Variants in CDH8 observed in about 807,000 individuals in gnomAD.
CDH8 encodes the protein cadherin-8.
CDH8 carries 17 observed loss-of-function variants against 68.1 expected under a neutral mutation model. The observed-to-expected ratio is 0.25, with a 90% confidence interval of 0.17 to 0.37. CDH8 has a LOEUF of 0.37. Among genes scored for constraint, CDH8 ranks in the 10% least tolerant of loss-of-function variants. The pLI is 1.00. For synonymous variants in CDH8, 372 were observed against 365.1 expected, an observed-to-expected ratio of 1.02 and a Z score of -0.21; for missense variants, 763 against 999.3, an observed-to-expected ratio of 0.76 and a Z score of 3.19.
At chr16:61,840,095 C>G (rs1412755133) in intron 4 of CDH8, among the ~76,000 whole-genome samples, 1 of 152,096 alleles carries the variant, frequency 6.6e-6, no homozygotes, top group African/African-American at 2.4e-5. Context: ...GTTTACTCCC[C>G]TGATAACTTT....
chr16:61,977,844 C>T (rs78180253), intron 2 of CDH8, among the ~76,000 whole-genome samples: 1,939 of 152,216 alleles, frequency 0.013, 39 homozygotes, highest in African/African-American at 0.044. Flanking sequence ...TTCACAACCA[C>T]GAAACACAGC....
chr16:61,897,550 A>AAGAAAG lies in CDH8; in HGVS notation c.547+3628_547+3629insCTTTCT, dbSNP rs1963890182. ...TGCAGTTTTCTTTCTTAACATATTTATAAGACACATGACTTACATACACAG... is the reference window on the plus strand; with the variant it reads ...TGCAGTTTTCTTTCTTAACATATTTAAGAAAGTAAGACACATGACTTACATACACAG... On this transcript the variant is annotated intron_variant, in intron 3 of 11. Coordinates refer to ENST00000577390, the MANE Select transcript of CDH8 (RefSeq NM_001796.5). Among the ~76,000 whole-genome samples the AAGAAAG allele has an allele frequency of 3.3e-5, 5 of 152,218 alleles. 1 individual carries two copies. Among genetic ancestry groups the AAGAAAG allele is most frequent in the African/African-American group, 4.8e-5 (2 of 41,460 alleles).
intron 3 of CDH8, among the ~76,000 whole-genome samples, chr16:61,870,583 A>G (rs113418741): frequency 9.8e-5 from 15 of 152,342 alleles, no homozygotes; most frequent in African/African-American, 3.6e-4. Flanking sequence ...TCAGAGGTAT[A>G]GATTTCCCCA....
chr16:61,854,324 A>G (rs1858506094), intron 4 of CDH8, among the ~76,000 whole-genome samples: 1 of 152,152 alleles, frequency 6.6e-6, no homozygotes, highest in African/African-American at 2.4e-5. Context: ...CCAATGACTG[A>G]GCATGGTGAG....
intron 10 of CDH8, among the ~76,000 whole-genome samples, chr16:61,704,319 C>T (rs936236895): frequency 3.9e-5 from 6 of 152,094 alleles, no homozygotes; most frequent in East Asian, 1.9e-4. Context: ...TCCCAAATTA[C>T]GAACTATTGG....
intron 2 of CDH8, among the ~76,000 whole-genome samples, chr16:61,979,880 T>A (rs1965502203): frequency 6.6e-6 from 1 of 152,162 alleles, no homozygotes; most frequent in African/African-American, 2.4e-5. Context: ...ACAGAGCAAT[T>A]TACCCCATTT....
At chr16:62,007,724 C>T (rs897089749) in intron 2 of CDH8, among the ~76,000 whole-genome samples, 7 of 152,142 alleles carry the variant, frequency 4.6e-5, no homozygotes, top group African/African-American at 1.7e-4. Flanking sequence ...ACCCTGAATC[C>T]ATTCCATATG....
At chr16:61,930,050 G>C (rs1674370838) in intron 2 of CDH8, among the ~76,000 whole-genome samples, 1 of 152,096 alleles carries the variant, frequency 6.6e-6, no homozygotes, top group South Asian at 2.1e-4. Flanking sequence ...ATATGTAAGA[G>C]ATGGCATTTA....
chr16:61,836,278 G>A (rs1043194904), intron 4 of CDH8, among the ~76,000 whole-genome samples: 3 of 151,928 alleles, frequency 2.0e-5, no homozygotes, highest in Non-Finnish European at 4.4e-5. Flanking sequence ...CAGTGGGTTG[G>A]ATTTCTGGCT....
intron 8 of CDH8, among the ~76,000 whole-genome samples, chr16:61,739,696 C>T (rs573760099): frequency 6.8e-6 from 1 of 147,550 alleles, no homozygotes; most frequent in African/African-American, 2.5e-5. Flanking sequence ...CCACTACACT[C>T]TAGCCTGGGC....
At chr16:62,010,784 C>CA (rs200536073) in intron 2 of CDH8, among the ~76,000 whole-genome samples, 3,205 of 150,476 alleles carry the variant, frequency 0.021, 108 homozygotes, top group African/African-American at 0.074. Flanking sequence ...ACTAAAAATA[C>CA]AAAAAAAAAT....
intron 2 of CDH8, among the ~76,000 whole-genome samples, chr16:61,921,287 A>G (rs1269750991): frequency 6.6e-6 from 1 of 151,484 alleles, no homozygotes; most frequent in Non-Finnish European, 1.5e-5. Flanking sequence ...GAAAAAAAAA[A>G]GAGTGTAGCC....
Position 61,723,528 on chromosome 16 carries a change from A to T in CDH8, c.1536+3566T>A, listed in dbSNP as rs1194593636. ...TCTCCCTTCAGCATCCCACCTGTCC[A>T]GAAGATTTGAAACATTTTCTGCAAT... On this transcript the variant is annotated intron_variant, in intron 9 of 11. Coordinates refer to ENST00000577390, the MANE Select transcript of CDH8 (RefSeq NM_001796.5). Among the ~76,000 whole-genome samples the T allele has an allele frequency of 2.0e-5, 3 of 150,828 alleles. No homozygotes were observed. In the Admixed American group the frequency reaches 2.0e-4, roughly 10 times the overall value.
At chr16:61,736,914 C>T (rs1019329895) in intron 8 of CDH8, among the ~76,000 whole-genome samples, 1 of 152,078 alleles carries the variant, frequency 6.6e-6, no homozygotes, top group African/African-American at 2.4e-5. Context: ...ATTTGCTAAA[C>T]ACAAGAGATG....
chr16:62,021,586 C>A lies in CDH8; in HGVS notation c.-183G>T. On this transcript the variant is annotated 5_prime_UTR_variant, in exon 2 of 12. Transcript: ENST00000577390. ...CTAAGACCACAATCCATTGGCTTTT[C>A]TTTTCATTGAAATTTCCTGCAAAAA... The A allele has an allele frequency of 7.5e-7, 1 of 1,336,386 alleles. No homozygotes were observed. The highest frequency in any genetic ancestry group is 2.7e-5 in the East Asian group (1 of 36,728). The allele number at this position is 1,336,386 out of a possible 1,614,324, so 82.8% of individuals were successfully genotyped here.
At position 61,959,984 on chromosome 16, in the gene CDH8, G is replaced by GTATATATATATATATATA. The variant is rs1181394965; in HGVS notation, c.253-58529_253-58512dup. Among the ~76,000 whole-genome samples the GTATATATATATATATATA allele has an allele frequency of 2.0e-3, 89 of 44,512 alleles. 4 individuals carry two copies. The highest frequency in any genetic ancestry group is 3.0e-3 in the Non-Finnish European group (74 of 24,702). 29.2% of individuals were successfully genotyped at this position (44,512 alleles called of 152,430 possible). A position where few individuals can be genotyped will look rare whatever the true frequency, so the allele number is the denominator to read the frequency against. ...GTATGTGGTGTATGTGTGTGTGTGTGTATATATATATATATATATATATAT... is the reference window on the plus strand; with the variant it reads ...GTATGTGGTGTATGTGTGTGTGTGTGTATATATATATATATATATATATATATATATATATATATATAT... On this transcript the variant is annotated intron_variant, in intron 2 of 11. Transcript: ENST00000577390.
intron 3 of CDH8, among the ~76,000 whole-genome samples, chr16:61,865,418 AC>A (rs1324179921): frequency 6.6e-6 from 1 of 152,166 alleles, no homozygotes; most frequent in African/African-American, 2.4e-5. Context: ...TCTTCTATTC[AC>A]CCATGCATCA....
chr16:61,884,311 G>A (rs1160897071), intron 3 of CDH8, among the ~76,000 whole-genome samples: 1 of 151,862 alleles, frequency 6.6e-6, no homozygotes, highest in Non-Finnish European at 1.5e-5. Context: ...TAATGAGGAT[G>A]AAGCACTTTA....
intron 10 of CDH8, among the ~76,000 whole-genome samples, chr16:61,694,816 C>G (rs1436251808): frequency 1.3e-5 from 2 of 152,116 alleles, no homozygotes; most frequent in African/African-American, 4.8e-5. Flanking sequence ...GAGTCTCGCT[C>G]TGTCACCCAG....
Sources: gnomAD v4.1 joint callset for allele counts (sites outside exome capture counted in the v4.1 genomes callset) on GRCh38, gnomAD v4.1.1 for gene constraint, MANE v1.5 for transcripts, NCBI Gene and HGNC (gene_info 2026-07-23, HGNC 2026-07-21) for gene names.